The following SMOC1 variants were observed in gnomAD, a reference collection of about 807,000 sequenced individuals.
SMOC1 encodes SPARC related modular calcium binding 1, also known as SPARC-related modular calcium-binding protein 1.
A neutral mutation model predicts 56.3 loss-of-function variants in SMOC1; 22 were observed. The observed-to-expected ratio is 0.39, with a 90% CI of 0.28 to 0.56. The LOEUF is 0.56. SMOC1 is among the 20% of genes least tolerant of loss of function. The pLI is 0.61. For missense variants in SMOC1, 509 were observed against 565.4 expected (o/e 0.90, Z 1.01); for synonymous variants, 193 against 215.0 (o/e 0.90, Z 0.89).
intron 3 of SMOC1, among the ~76,000 whole-genome samples, chr14:69,968,418 G>C (rs1883646998): frequency 6.6e-6 from 1 of 152,176 alleles, no homozygotes; most frequent in Non-Finnish European, 1.5e-5. Flanking sequence ...GATGGAGAGA[G>C]ATGTTCTTGG....
At chr14:69,895,290 C>T (rs1029399886) in intron 1 of SMOC1, among the ~76,000 whole-genome samples, 5 of 152,126 alleles carry the variant, frequency 3.3e-5, no homozygotes, top group African/African-American at 4.8e-5. Flanking sequence ...CCGCCAGTGT[C>T]GAAGGTTTCA....
At chr14:70,011,265 A>G (rs1381325697) in intron 8 of SMOC1, among the ~76,000 whole-genome samples, 1 of 152,120 alleles carries the variant, frequency 6.6e-6, no homozygotes, top group Non-Finnish European at 1.5e-5. Flanking sequence ...TATCATTGTT[A>G]TTATGCTTGA....
At chr14:69,923,105 C>T (rs530767585) in intron 1 of SMOC1, among the ~76,000 whole-genome samples, 14 of 152,080 alleles carry the variant, frequency 9.2e-5, no homozygotes, top group African/African-American at 2.4e-4. Flanking sequence ...CCACTACACC[C>T]GGCTAATTTT....
intron 3 of SMOC1, among the ~76,000 whole-genome samples, chr14:69,957,075 A>C (rs900150597): frequency 6.6e-6 from 1 of 152,152 alleles, no homozygotes. Flanking sequence ...GTCCTTTGCT[A>C]TGGTCTTATC....
chr14:69,961,879 A>G (rs1242276908), intron 3 of SMOC1, among the ~76,000 whole-genome samples: 4 of 152,218 alleles, frequency 2.6e-5, no homozygotes, highest in South Asian at 2.1e-4. Flanking sequence ...CCGGCAATGT[A>G]TGAAGGTTCC....
intron 1 of SMOC1, among the ~76,000 whole-genome samples, chr14:69,950,357 T>C (rs1184988077): frequency 6.6e-6 from 1 of 152,176 alleles, no homozygotes; most frequent in Non-Finnish European, 1.5e-5. Flanking sequence ...TTTCCAGTAC[T>C]CCCTTGAAGG....
intron 1 of SMOC1, among the ~76,000 whole-genome samples, chr14:69,914,937 G>T (rs1261216536): frequency 6.6e-6 from 1 of 151,736 alleles, no homozygotes; most frequent in Non-Finnish European, 1.5e-5. Context: ...CATGATCTTG[G>T]CTCGCTGCAA....
chr14:69,929,137 T>C (rs937368022), intron 1 of SMOC1, among the ~76,000 whole-genome samples: 1 of 152,200 alleles, frequency 6.6e-6, no homozygotes, highest in African/African-American at 2.4e-5. Flanking sequence ...CTGTCCAGCA[T>C]CTGCCACATC....
At chr14:69,965,047 T>G (rs1262682601) in intron 3 of SMOC1, among the ~76,000 whole-genome samples, 1 of 152,096 alleles carries the variant, frequency 6.6e-6, no homozygotes, top group Non-Finnish European at 1.5e-5. Context: ...GTGAGGAATA[T>G]CCAATGGAGC....
intron 5 of SMOC1, among the ~76,000 whole-genome samples, chr14:69,987,556 G>T (rs754887695): frequency 1.3e-5 from 2 of 152,182 alleles, no homozygotes; most frequent in Non-Finnish European, 2.9e-5. Context: ...CCCTTGAAAG[G>T]CCTGGCCCTG....
At chr14:70,017,514 C>T (rs982677976) in intron 10 of SMOC1, among the ~76,000 whole-genome samples, 7 of 152,244 alleles carry the variant, frequency 4.6e-5, no homozygotes, top group Non-Finnish European at 8.8e-5. Flanking sequence ...CCTTTATCCT[C>T]TCAGACTCTA....
intron 3 of SMOC1, among the ~76,000 whole-genome samples, chr14:69,974,405 A>G (rs1440192005): frequency 3.3e-5 from 5 of 152,144 alleles, no homozygotes; most frequent in African/African-American, 1.2e-4. Context: ...GAATGGTTGG[A>G]GCAAACAAAG....
At chr14:69,988,301 CAGTGTTTATCCTCTTCCTTTT>C (rs1318698821) in intron 5 of SMOC1, among the ~76,000 whole-genome samples, 9 of 110,406 alleles carry the variant, frequency 8.2e-5, no homozygotes, top group African/African-American at 2.8e-4. Context: ...TTTTTTTTTT[CAGTGTTTATCCTCTTCCTTTT>C]AATATGGAAG....
chr14:69,963,737 T>A (rs747913065), intron 3 of SMOC1, among the ~76,000 whole-genome samples: 3 of 152,226 alleles, frequency 2.0e-5, no homozygotes, highest in Non-Finnish European at 4.4e-5. Context: ...TCATTTGCAG[T>A]GAGTGAACAA....
chr14:69,943,040 G>A (rs1882627731), intron 1 of SMOC1, among the ~76,000 whole-genome samples: 1 of 151,988 alleles, frequency 6.6e-6, no homozygotes, highest in African/African-American at 2.4e-5. Context: ...GGGAAGTCGG[G>A]TGGGTGGGGT....
intron 6 of SMOC1, among the ~76,000 whole-genome samples, chr14:69,992,681 C>T (rs967709588): frequency 6.6e-6 from 1 of 152,290 alleles, no homozygotes; most frequent in South Asian, 2.1e-4. Context: ...CTGGAAGGGC[C>T]CTCTGTTCTC....
intron 1 of SMOC1, chr14:69,886,131 C>T: frequency 6.6e-7 from 1 of 1,515,226 alleles, no homozygotes; most frequent in Non-Finnish European, 9.0e-7. Context: ...GCCTTCTTTC[C>T]TTTCGGCATC....
intron 7 of SMOC1, among the ~76,000 whole-genome samples, chr14:70,001,302 T>C (rs539162820): frequency 3.9e-5 from 6 of 152,240 alleles, no homozygotes; most frequent in Admixed American, 3.3e-4. Flanking sequence ...TCAAGAACTA[T>C]CATGTGCTAA....
chr14:70,012,420 G>A (rs898241362), intron 9 of SMOC1, among the ~76,000 whole-genome samples: 3 of 152,212 alleles, frequency 2.0e-5, no homozygotes, highest in Non-Finnish European at 4.4e-5. Context: ...GAGACAGATT[G>A]GATATGAATA....
Sources: gnomAD v4.1 joint callset for allele counts (sites outside exome capture counted in the v4.1 genomes callset) on GRCh38, gnomAD v4.1.1 for gene constraint, MANE v1.5 for transcripts, NCBI Gene and HGNC (gene_info 2026-07-23, HGNC 2026-07-21) for gene names.